The following COL7A1 variants were observed in gnomAD, a reference collection of about 807,000 sequenced individuals.
COL7A1 encodes the protein collagen alpha-1(VII) chain.
COL7A1 carries 296 observed loss-of-function variants against 456.2 expected under a neutral mutation model. That is an observed-to-expected ratio of 0.65 (90% confidence interval 0.59 to 0.71). The LOEUF is 0.71. Ranked by LOEUF, COL7A1 falls within the 30% of genes least tolerant of loss-of-function variation. COL7A1 has a pLI of 0.00. For missense variants in COL7A1, 3,441 were observed against 4,017.2 expected (o/e 0.86, Z 3.88); for synonymous variants, 1,464 against 1,525.9 (o/e 0.96, Z 0.95).
rs747000083 is a variant in COL7A1, at chr3:48,573,536, G to A, written c.6595C>T (p.Pro2199Ser). The change falls in exon 83 of 119, where the codon CCC (proline) becomes TCC (serine). Residue 2199 changes from proline (P) to serine (S), a missense_variant. By Grantham distance (74) the Pro-to-Ser change is moderately conservative. Coordinates refer to ENST00000681320, the MANE Select transcript of COL7A1 (RefSeq NM_000094.4). This position sits in a 1 kb window ranked among gnomAD's most constrained non-coding sequence, Gnocchi z 5.5. ...ACCTTCAGGCCAGAAGGTCCTTGGG[G>A]TCCTGCAGGGCCAGCAAGACCCTAG... ...GAPGLAGPAG[P>S]QGPSGLKGEP... is the part of the protein sequence containing the mutation. 3.0e-5 allele frequency: 48 copies of A among 1,613,988 alleles called. No individual in the cohort carries two copies. The highest frequency in any genetic ancestry group is 6.7e-5 in the Admixed American group (4 of 60,002).
rs766782830 is a variant in COL7A1, at chr3:48,584,476, T to C, written c.4119+9A>G. ...ACACATCACTTGCCTCCACATACCC[T>C]GCACTTACCGATGGTCCAGGGTCCC... On this transcript the variant is annotated intron_variant, in intron 36 of 118. Transcript: ENST00000681320. The C allele has an allele frequency of 1.9e-5, 31 of 1,613,760 alleles. No individual in the cohort carries two copies. Among genetic ancestry groups the C allele is most frequent in the Non-Finnish European group, 2.5e-5 (30 of 1,179,966 alleles).
rs1462910646 is a variant in COL7A1 at position 48,576,674 on chromosome 3, A to C, written c.5700+2T>G. The C allele has an allele frequency of 6.2e-7, 1 of 1,603,548 alleles. No individual in the cohort carries two copies. The highest frequency in any genetic ancestry group is 2.2e-5 in the East Asian group (1 of 44,604). On this transcript the variant is annotated splice_donor_variant, in intron 68 of 118. Coordinates refer to ENST00000681320, the MANE Select transcript of COL7A1 (RefSeq NM_000094.4). LOFTEE classifies it high-confidence loss of function. ...AGTCCCAGAATGACCCAGGACACTC[A>C]CCTGGCCAGGAGGGCCCACTGGCCC...
Position 48,567,421 on chromosome 3 carries a change from A to AC in COL7A1, c.8046+152dup. The AC allele has an allele frequency of 2.6e-6, 3 of 1,142,682 alleles. No individual in the cohort carries two copies. The highest frequency in any genetic ancestry group is 3.9e-6 in the Non-Finnish European group (3 of 774,152). The allele number at this position is 1,142,682 out of a possible 1,614,324, so 70.8% of individuals were successfully genotyped here. A position where few individuals can be genotyped will look rare whatever the true frequency, so the allele number is the denominator to read the frequency against. On this transcript the variant is annotated intron_variant, in intron 109 of 118. Coordinates refer to ENST00000681320, the MANE Select transcript of COL7A1 (RefSeq NM_000094.4). This position sits in a 1 kb window ranked among gnomAD's most constrained non-coding sequence, Gnocchi z 4.3. Reference sequence around the variant, plus strand: ...TCATCCTAACTCCACTGTGACCCCAACCCACCTTGACACCTCGAGACCAGC... The same window carrying AC: ...TCATCCTAACTCCACTGTGACCCCAACCCCACCTTGACACCTCGAGACCAGC...
chr3:48,579,107 G>T lies in COL7A1; in HGVS notation c.5388+90C>A. 1 of 1,570,028 alleles carries T rather than the reference G, an allele frequency of 6.4e-7. No individual in the cohort carries two copies. The highest frequency in any genetic ancestry group is 8.7e-7 in the Non-Finnish European group (1 of 1,142,874). ...CAGGTCTCGCCCCAGAGCTCGTCAA[G>T]GCCAAGACCAACCAATGAGGCTGGG... On this transcript the variant is annotated intron_variant, in intron 62 of 118. Transcript: ENST00000681320. The surrounding 1 kb of genome is among the most constrained non-coding windows in gnomAD (Gnocchi z 4.4).
In COL7A1 at chr3:48,584,717, C is replaced by A. The variant is rs372608575; in HGVS notation, c.4047+17G>T. 2 of 1,613,890 alleles carry A rather than the reference C, an allele frequency of 1.2e-6. No homozygotes were observed. The highest frequency in any genetic ancestry group is 2.7e-5 in the African/African-American group (2 of 74,906). ...TCCCTGGGACATCCCGGCCGCCTCC[C>A]TTCCCCCTTCACCTACCGGCTCCCC... is the stretch of plus-strand genomic sequence containing the variant. On this transcript the variant is annotated intron_variant, in intron 35 of 118. Transcript: ENST00000681320.
Position 48,564,826 on chromosome 3 carries a change from G to A in COL7A1, c.8775C>T (p.Cys2925=), listed in dbSNP as rs769046056. 15 of 1,613,858 alleles carry A rather than the reference G, an allele frequency of 9.3e-6. No individual in the cohort carries two copies. Among genetic ancestry groups the A allele is most frequent in the Middle Eastern group, 1.6e-4 (1 of 6,082 alleles). The part of the protein sequence containing the change: ...NANRFGTREA[C]ERRCPPRVVQ... The stretch of plus-strand genomic sequence containing the variant: ...CCACCCGGGGTGGGCAGCGGCGCTC[G>A]CAGGCCTCACGGGTCCCAAAACGGT... The change falls in exon 118 of 119, where the codon TGC becomes TGT. Residue 2925 remains cysteine, a synonymous_variant. Transcript: ENST00000681320. The surrounding 1 kb of genome is among the most constrained non-coding windows in gnomAD (Gnocchi z 6.0).
rs2107662681 is a variant in COL7A1, at chr3:48,573,404, G to A, written c.6619-56C>T. The A allele has an allele frequency of 6.2e-7, 1 of 1,613,816 alleles. No homozygotes were observed. Among genetic ancestry groups the A allele is most frequent in the East Asian group, 2.2e-5 (1 of 44,868 alleles). On this transcript the variant is annotated intron_variant, in intron 83 of 118. Transcript: ENST00000681320. This position sits in a 1 kb window ranked among gnomAD's most constrained non-coding sequence, Gnocchi z 5.5. ...AGCCCACGTGGCCAGGGCTCCTGGA[G>A]CTCATCCTCATTGCAGGAGATGACA...
chr3:48,571,470 G>A lies in COL7A1; in HGVS notation c.7069-192C>T, dbSNP rs1240859697. ...TATCTCAGGACAGCACAGACAGAGG[G>A]ACGCTCAGATACTACCATAGACAGG... On this transcript the variant is annotated intron_variant, in intron 92 of 118. Coordinates refer to ENST00000681320, the MANE Select transcript of COL7A1 (RefSeq NM_000094.4). This position sits in a 1 kb window ranked among gnomAD's most constrained non-coding sequence, Gnocchi z 4.6. The A allele has an allele frequency of 1.3e-6, 1 of 752,250 alleles. No homozygotes were observed. Among genetic ancestry groups the A allele is most frequent in the Non-Finnish European group, 2.4e-6 (1 of 418,316 alleles). 46.6% of individuals were successfully genotyped at this position (752,250 alleles called of 1,614,324 possible).
chr3:48,591,446 T>A lies in COL7A1; in HGVS notation c.1636+18A>T. ...ACTTCAGTGTGTGTGGTGGGGGTGCTGGCTGCGTCCACCTCACCCTGGGTG... is the reference window on the plus strand; with the variant it reads ...ACTTCAGTGTGTGTGGTGGGGGTGCAGGCTGCGTCCACCTCACCCTGGGTG... On this transcript the variant is annotated intron_variant, in intron 13 of 118. Coordinates refer to ENST00000681320, the MANE Select transcript of COL7A1 (RefSeq NM_000094.4). This position sits in a 1 kb window ranked among gnomAD's most constrained non-coding sequence, Gnocchi z 7.0. The A allele has an allele frequency of 6.2e-7, 1 of 1,612,132 alleles. No homozygotes were observed. Among genetic ancestry groups the A allele is most frequent in the South Asian group, 1.1e-5 (1 of 91,018 alleles).
Position 48,593,744 on chromosome 3 carries a change from T to C in COL7A1, c.267-48A>G. 2 of 1,612,908 alleles carry C rather than the reference T, an allele frequency of 1.2e-6. No homozygotes were observed. The highest frequency in any genetic ancestry group is 1.7e-6 in the Non-Finnish European group (2 of 1,178,898). ...ACAGGCTAGGACTCAGGATCTCTTC[T>C]GGCCCTGGCCTTGAGGAGGCCTCTA... On this transcript the variant is annotated intron_variant, in intron 3 of 118. Coordinates refer to ENST00000681320, the MANE Select transcript of COL7A1 (RefSeq NM_000094.4). This position sits in a 1 kb window ranked among gnomAD's most constrained non-coding sequence, Gnocchi z 4.4.
chr3:48,583,870 G>C lies in COL7A1; in HGVS notation c.4278+30C>G. On this transcript the variant is annotated intron_variant, in intron 39 of 118. Coordinates refer to ENST00000681320, the MANE Select transcript of COL7A1 (RefSeq NM_000094.4). This position sits in a 1 kb window ranked among gnomAD's most constrained non-coding sequence, Gnocchi z 5.1. The stretch of plus-strand genomic sequence containing the variant: ...AGGAGAGACCCACACCCCTGAGCAG[G>C]GCCCCCAGCAGAGCCTCAAGGCCCC... The C allele has an allele frequency of 6.2e-7, 1 of 1,613,624 alleles. No individual in the cohort carries two copies. Among genetic ancestry groups the C allele is most frequent in the Non-Finnish European group, 8.5e-7 (1 of 1,179,806 alleles).
Position 48,591,410 on chromosome 3 carries a change from C to T in COL7A1, c.1636+54G>A. 6.2e-7 allele frequency: 1 copy of T among 1,606,700 alleles called. No individual in the cohort carries two copies. The highest frequency in any genetic ancestry group is 1.1e-5 in the South Asian group (1 of 90,484). On this transcript the variant is annotated intron_variant, in intron 13 of 118. Coordinates refer to ENST00000681320, the MANE Select transcript of COL7A1 (RefSeq NM_000094.4). The surrounding 1 kb of genome is among the most constrained non-coding windows in gnomAD (Gnocchi z 7.0). ...GAGGGCTGGAGGTACACTCAGACCC[C>T]TCAGGCTGGAACTTCAGTGTGTGTG... is the stretch of plus-strand genomic sequence containing the variant.
chr3:48,572,392 C>A lies in COL7A1; in HGVS notation c.6966G>T (p.Leu2322=), dbSNP rs2107656267. ...KGAPGGLAGD[L]VGEPGAKGDR... is the part of the protein sequence containing the mutation. ...GTTCCCTACTTACCGGCTCACCCAC[C>A]AGGTCTCCAGCAAGGCCTCCAGGGG... Residue 2322 remains leucine (L), a synonymous_variant, in exon 90 of 119, where the codon CTG becomes CTT. Coordinates refer to ENST00000681320, the MANE Select transcript of COL7A1 (RefSeq NM_000094.4). This position sits in a 1 kb window ranked among gnomAD's most constrained non-coding sequence, Gnocchi z 4.6. The A allele has an allele frequency of 3.1e-6, 5 of 1,614,168 alleles. No individual in the cohort carries two copies. The highest frequency in any genetic ancestry group is 4.2e-6 in the Non-Finnish European group (5 of 1,180,010).
Position 48,590,847 on chromosome 3 carries a change from G to T in COL7A1, c.1637-31C>A, listed in dbSNP as rs778832141. On this transcript the variant is annotated intron_variant, in intron 13 of 118. Coordinates refer to ENST00000681320, the MANE Select transcript of COL7A1 (RefSeq NM_000094.4). The surrounding 1 kb of genome is among the most constrained non-coding windows in gnomAD (Gnocchi z 4.6). Reference sequence around the variant, plus strand: ...AGAGAAGTCAGGGTAGGTGGGCAGGGGTCAGAAAGAGACAGGGATGTGGGA... The same window carrying T: ...AGAGAAGTCAGGGTAGGTGGGCAGGTGTCAGAAAGAGACAGGGATGTGGGA... 4.8e-5 allele frequency: 77 copies of T among 1,609,674 alleles called. No homozygotes were observed. The highest frequency in any genetic ancestry group is 1.6e-4 in the Middle Eastern group (1 of 6,084).
At position 48,566,072 on chromosome 3, in the gene COL7A1, A is replaced by T. The variant is rs1013901415; in HGVS notation, c.8407+195T>A. ...TGGACATCTGAGAGCACTGCATGGC[A>T]ATCCTCATCTGCCTGTGTGTCTCCC... On this transcript the variant is annotated intron_variant, in intron 114 of 118. Transcript: ENST00000681320. This position sits in a 1 kb window ranked among gnomAD's most constrained non-coding sequence, Gnocchi z 5.9. Among the ~76,000 whole-genome samples the T allele has an allele frequency of 1.3e-5, 2 of 152,160 alleles. No individual in the cohort carries two copies. The highest frequency in any genetic ancestry group is 4.8e-5 in the African/African-American group (2 of 41,436).
rs1426259704 is a variant in COL7A1, at chr3:48,571,052, G to C, written c.7164+49C>G. 1 of 1,611,658 alleles carries C rather than the reference G, an allele frequency of 6.2e-7. No individual in the cohort carries two copies. The highest frequency in any genetic ancestry group is 8.5e-7 in the Non-Finnish European group (1 of 1,178,026). On this transcript the variant is annotated intron_variant, in intron 94 of 118. Coordinates refer to ENST00000681320, the MANE Select transcript of COL7A1 (RefSeq NM_000094.4). The surrounding 1 kb of genome is among the most constrained non-coding windows in gnomAD (Gnocchi z 4.6). ...CATCAGAACTCCCTCTTCCTCCTGT[G>C]GGGGCCCGGCCTGCTGCCCCTACAA...
chr3:48,587,379 C>T lies in COL7A1; in HGVS notation c.2992+41G>A, dbSNP rs201531465. 1,261 of 1,612,886 alleles carry T rather than the reference C, an allele frequency of 7.8e-4. 3 individuals are homozygous for T. The highest frequency in any genetic ancestry group is 9.7e-4 in the Non-Finnish European group (1,144 of 1,179,940). ...TGATTAAAAAGCTGTCTCCACAGAG[C>T]CCCAACTGCCAGCCCACCCAAATCC... On this transcript the variant is annotated intron_variant, in intron 23 of 118. Transcript: ENST00000681320. The surrounding 1 kb of genome is among the most constrained non-coding windows in gnomAD (Gnocchi z 6.1).
chr3:48,577,829 C>G lies in COL7A1; in HGVS notation c.5532+492G>C, dbSNP rs76187984. ...TCCTGGCATAAATTGGCCCATTCAC[C>G]TAACTCCCTATGTGTCTGTGAGGCT... On this transcript the variant is annotated intron_variant, in intron 65 of 118. Coordinates refer to ENST00000681320, the MANE Select transcript of COL7A1 (RefSeq NM_000094.4). Among the ~76,000 whole-genome samples, 540 of 152,320 alleles carry G rather than the reference C, an allele frequency of 3.5e-3. 2 individuals carry two copies. The highest frequency in any genetic ancestry group is 0.012 in the African/African-American group (519 of 41,566).
Position 48,565,649 on chromosome 3 carries a change from G to C in COL7A1, c.8427C>G (p.Ile2809Met). 6.2e-7 allele frequency: 1 copy of C among 1,613,856 alleles called. No homozygotes were observed. Among genetic ancestry groups the C allele is most frequent in the Non-Finnish European group, 8.5e-7 (1 of 1,179,922 alleles). Reference protein sequence around the residue: ...SQHCACQGQFIASGSRPLPSY... With the variant: ...SQHCACQGQFMASGSRPLPSY... ...AAAACTACTCACGTGATCCAGATGC[G>C]ATGAACTGGCCCTGGCAGGCTAGAG... Residue 2809 changes from isoleucine (I) to methionine (M), a missense_variant, in exon 115 of 119, where the codon ATC becomes ATG. This residue lies in a region of COL7A1 where 2,084 missense variants were observed against 2,501.3 expected (regional missense o/e 0.83). Coordinates refer to ENST00000681320, the MANE Select transcript of COL7A1 (RefSeq NM_000094.4). The surrounding 1 kb of genome is among the most constrained non-coding windows in gnomAD (Gnocchi z 4.5).
Sources: gnomAD v4.1 joint callset for allele counts (sites outside exome capture counted in the v4.1 genomes callset) on GRCh38, gnomAD v4.1.1 for gene constraint, gnomAD v4.1.1 regional missense constraint, Gnocchi (gnomAD v3.1) non-coding constraint, MANE v1.5 for transcripts, NCBI Gene and HGNC (gene_info 2026-07-23, HGNC 2026-07-21) for gene names.